DRAXIN: variants seen among roughly 807,000 people sequenced by gnomAD.
The protein encoded by DRAXIN is dorsal inhibitory axon guidance protein.
In DRAXIN, 27 loss-of-function variants were observed where a neutral mutation model predicts 33.9. That is an observed-to-expected ratio of 0.80 (90% CI 0.59 to 1.10). DRAXIN has a LOEUF of 1.10. Among genes scored for constraint, DRAXIN ranks in the 50% least tolerant of loss-of-function variants. DRAXIN has a pLI of 0.00. For synonymous variants in DRAXIN, 178 were observed against 194.0 expected (o/e 0.92, Z 0.69); for missense variants, 371 against 460.8 (o/e 0.81, Z 1.78).
At position 11,722,733 on chromosome 1, in the gene DRAXIN, A is replaced by C. The variant is rs1475924921; in HGVS notation, c.*3037A>C. 1.3e-5 allele frequency: 2 copies of C among 154,300 alleles called. No individual in the cohort carries two copies. The highest frequency in any genetic ancestry group is 2.9e-5 in the Non-Finnish European group (2 of 68,182). The allele number at this position is 154,300 out of a possible 1,614,324, so 9.6% of individuals were successfully genotyped here. A position where few individuals can be genotyped will look rare whatever the true frequency, so the allele number is the denominator to read the frequency against. ...TCGAAGCAGCCACAGAGAGTGTGTAAATGAATTCATGGCTATGCTCCAGGA... is the reference window on the plus strand; with the variant it reads ...TCGAAGCAGCCACAGAGAGTGTGTACATGAATTCATGGCTATGCTCCAGGA... On this transcript the variant is annotated 3_prime_UTR_variant, in exon 7 of 7. Transcript: ENST00000294485.
rs1217617976 is a variant in DRAXIN at position 11,719,672 on chromosome 1, C to T, written c.1026C>T (p.Asp342=). 6.2e-7 allele frequency: 1 copy of T among 1,614,064 alleles called. No homozygotes were observed. The highest frequency in any genetic ancestry group is 1.1e-5 in the South Asian group (1 of 91,074). ...RCVEPETANG[D]QGSFINV ...TGGAGCCCGAGACGGCCAACGGCGACCAGGGATCCTTCATCAACGTCTAGC... is the reference window on the plus strand; with the variant it reads ...TGGAGCCCGAGACGGCCAACGGCGATCAGGGATCCTTCATCAACGTCTAGC... The change falls in exon 7 of 7, where the codon GAC becomes GAT. Residue 342 remains aspartate (D), a synonymous_variant. Transcript: ENST00000294485.
rs985836819 is a variant in DRAXIN at position 11,721,148 on chromosome 1, C to T, written c.*1452C>T. Reference sequence around the variant, plus strand: ...GCATGGAATCCAAAAAAACCCCACACATATTGCCCATGTTTACCCACTTTG... The same window carrying T: ...GCATGGAATCCAAAAAAACCCCACATATATTGCCCATGTTTACCCACTTTG... On this transcript the variant is annotated 3_prime_UTR_variant, in exon 7 of 7. Transcript: ENST00000294485. 1 of 152,208 alleles carries T rather than the reference C, an allele frequency of 6.6e-6. No homozygotes were observed. Among genetic ancestry groups the T allele is most frequent in the African/African-American group, 2.4e-5 (1 of 41,436 alleles). 9.4% of individuals were successfully genotyped at this position (152,208 alleles called of 1,614,324 possible). A position where few individuals can be genotyped will look rare whatever the true frequency, so the allele number is the denominator to read the frequency against.
chr1:11,708,236 GGA>G (rs1280013404), intron 2 of DRAXIN, among the ~76,000 whole-genome samples: 1 of 152,256 alleles, frequency 6.6e-6, no homozygotes, highest in Non-Finnish European at 1.5e-5. Flanking sequence ...AGGCCTCCTG[GGA>G]GAGTTGATAT....
rs1641155782 is a variant in DRAXIN at position 11,694,296 on chromosome 1, A to G, written c.-11+2443A>G. Among the ~76,000 whole-genome samples, 1 of 152,074 alleles carries G rather than the reference A, an allele frequency of 6.6e-6. No individual in the cohort carries two copies. Among genetic ancestry groups the G allele is most frequent in the Non-Finnish European group, 1.5e-5 (1 of 68,014 alleles). ...GAATGAACTGAAAACTGCAAGCCCC[A>G]GTGTCTTGCTGAGTTCTGCTGGGTC... On this transcript the variant is annotated intron_variant, in intron 1 of 6. Coordinates refer to ENST00000294485, the MANE Select transcript of DRAXIN (RefSeq NM_198545.4). This position sits in a 1 kb window ranked among gnomAD's most constrained non-coding sequence, Gnocchi z 4.9.
rs549067102 is a variant in DRAXIN at position 11,701,033 on chromosome 1, T to C, written c.-10-5216T>C. ...CTGACTCCAGGCTCGATTCATCGCC[T>C]TCGTTTGCATACGGCGATGCTGACA... On this transcript the variant is annotated intron_variant, in intron 1 of 6. Transcript: ENST00000294485. 2.0e-5 allele frequency among the ~76,000 whole-genome samples: 3 copies of C among 152,264 alleles called. No individual in the cohort carries two copies. In the East Asian group the frequency reaches 5.8e-4, roughly 29 times the overall value.
chr1:11,707,357 C>T (rs1420191620), intron 2 of DRAXIN, among the ~76,000 whole-genome samples: 1 of 152,244 alleles, frequency 6.6e-6, no homozygotes, highest in Non-Finnish European at 1.5e-5. Context: ...GACTCTGACG[C>T]ATCCGGTAGG....
rs1570325178 is a variant in DRAXIN at position 11,723,058 on chromosome 1, C to G, written c.*3362C>G. On this transcript the variant is annotated 3_prime_UTR_variant, in exon 7 of 7. Coordinates refer to ENST00000294485, the MANE Select transcript of DRAXIN (RefSeq NM_198545.4). ...GCCAGGCTGGTCTCAAACTTCTGAC[C>G]TCAGGTGATCCGCCCGCCTCAGCCT... is the stretch of plus-strand genomic sequence containing the variant. 1 of 152,178 alleles carries G rather than the reference C, an allele frequency of 6.6e-6. No homozygotes were observed. Among genetic ancestry groups the G allele is most frequent in the East Asian group, 1.9e-4 (1 of 5,182 alleles). 9.4% of individuals were successfully genotyped at this position (152,178 alleles called of 1,614,324 possible). A position where few individuals can be genotyped will look rare whatever the true frequency, so the allele number is the denominator to read the frequency against.
intron 1 of DRAXIN, among the ~76,000 whole-genome samples, chr1:11,693,113 AC>A (rs1641111061): frequency 6.6e-6 from 1 of 151,960 alleles, no homozygotes; most frequent in Non-Finnish European, 1.5e-5. Flanking sequence ...TCGTGCCCAT[AC>A]AGGCGTCCAC....
rs771879554 is a variant in DRAXIN at position 11,719,651 on chromosome 1, G to C, written c.1005G>C (p.Glu335Asp). 6.2e-7 allele frequency: 1 copy of C among 1,614,124 alleles called. No homozygotes were observed. Among genetic ancestry groups the C allele is most frequent in the South Asian group, 1.1e-5 (1 of 91,072 alleles). The change falls in exon 7 of 7, where the codon GAG (glutamate) becomes GAC (aspartate). Residue 335 changes from glutamate (E) to aspartate (D), a missense_variant. Coordinates refer to ENST00000294485, the MANE Select transcript of DRAXIN (RefSeq NM_198545.4). ...RVTRRKGRCV[E>D]PETANGDQGS... is the part of the protein sequence containing the mutation. Reference sequence around the variant, plus strand: ...CACGGAGGAAAGGGCGCTGTGTGGAGCCCGAGACGGCCAACGGCGACCAGG... The same window carrying C: ...CACGGAGGAAAGGGCGCTGTGTGGACCCCGAGACGGCCAACGGCGACCAGG...
At chr1:11,717,655 C>A (rs1641597020) in intron 6 of DRAXIN, among the ~76,000 whole-genome samples, 2 of 105,696 alleles carry the variant, frequency 1.9e-5, no homozygotes, top group African/African-American at 5.1e-5. Flanking sequence ...GAGAGAGACT[C>A]CGTCTCAAAA....
chr1:11,710,222 T>C (rs1442570568), intron 3 of DRAXIN, among the ~76,000 whole-genome samples: 2 of 150,214 alleles, frequency 1.3e-5, no homozygotes, highest in Non-Finnish European at 3.0e-5. Context: ...GCGGGCACGT[T>C]GGCTCAAGCC....
chr1:11,706,300 C>T lies in DRAXIN; in HGVS notation c.42C>T (p.Leu14=), dbSNP rs771862590. ...PAIHTAPMLF[L]VLLLPLELSL... ...TCCACACCGCTCCCATGCTGTTCCT[C>T]GTCCTCCTGCTGCCCCTGGAGCTGA... Residue 14 remains leucine (L), a synonymous_variant, in exon 2 of 7, where the codon CTC becomes CTT. Transcript: ENST00000294485. The surrounding 1 kb of genome is among the most constrained non-coding windows in gnomAD (Gnocchi z 5.5). 10 of 1,612,256 alleles carry T rather than the reference C, an allele frequency of 6.2e-6. No individual in the cohort carries two copies. The highest frequency in any genetic ancestry group is 1.1e-5 in the South Asian group (1 of 90,814).
At chr1:11,715,278 G>T (rs965086451) in intron 6 of DRAXIN, 70 bp downstream of exon 6, 3 of 1,588,038 alleles carry the variant, frequency 1.9e-6, no homozygotes, top group Non-Finnish European at 2.6e-6. Flanking sequence ...TTCTCGAAGC[G>T]GCTTCTGCAC....
intron 1 of DRAXIN, among the ~76,000 whole-genome samples, chr1:11,695,042 G>T (rs1641169285): frequency 6.6e-6 from 1 of 152,170 alleles, no homozygotes; most frequent in Admixed American, 6.5e-5. Context: ...TCAGGCCCCA[G>T]CTCATGCCAC....
chr1:11,711,940 T>A lies in DRAXIN; in HGVS notation c.732T>A (p.Asp244Glu). ...DWTDYEDLKPDGWPSAKKKEK... is the reference protein window; with the variant it reads ...DWTDYEDLKPEGWPSAKKKEK... ...CCGATTATGAAGACTTAAAACCTGA[T>A]GGTTGGCCCTCTGCAAAGAAGAAAG... The change falls in exon 4 of 7, where the codon GAT (aspartate) becomes GAA (glutamate). Residue 244 changes from aspartate (D) to glutamate (E), a missense_variant. Asp to Glu is a conservative substitution (Grantham distance 45). Coordinates refer to ENST00000294485, the MANE Select transcript of DRAXIN (RefSeq NM_198545.4). 1 of 1,613,560 alleles carries A rather than the reference T, an allele frequency of 6.2e-7. No homozygotes were observed. The highest frequency in any genetic ancestry group is 8.5e-7 in the Non-Finnish European group (1 of 1,179,746).
rs200769524 is a variant in DRAXIN, at chr1:11,715,159, C to T, written c.888C>T (p.His296=). The T allele has an allele frequency of 8.7e-6, 14 of 1,614,256 alleles. No homozygotes were observed. The East Asian group carries it at 3.1e-4, about 36-fold the overall frequency. Reference sequence around the variant, plus strand: ...TGCGGGAGCATCTCTGCACACCCCACAACCGAGGCCTCAACAACAAATGCT... The same window carrying T: ...TGCGGGAGCATCTCTGCACACCCCATAACCGAGGCCTCAACAACAAATGCT... ...CDLREHLCTP[H]NRGLNNKCFD... The change falls in exon 6 of 7, where the codon CAC becomes CAT. Residue 296 remains histidine (H), a synonymous_variant. Coordinates refer to ENST00000294485, the MANE Select transcript of DRAXIN (RefSeq NM_198545.4).
intron 6 of DRAXIN, 95 bp from the exon 7 acceptor site, chr1:11,719,489 C>T: frequency 9.3e-7 from 1 of 1,078,476 alleles, no homozygotes; most frequent in South Asian, 1.4e-5. Flanking sequence ...ATAATGAAGG[C>T]AGGAGGGAGC....
Position 11,723,536 on chromosome 1 carries a change from G to A in DRAXIN, c.*3840G>A, listed in dbSNP as rs1374071236. ...GCCTTGATTTTTTCATCTGTAAAAT[G>A]GGAATAATAACTCTCCCTTCATAGG... On this transcript the variant is annotated 3_prime_UTR_variant, in exon 7 of 7. Coordinates refer to ENST00000294485, the MANE Select transcript of DRAXIN (RefSeq NM_198545.4). 1 of 152,002 alleles carries A rather than the reference G, an allele frequency of 6.6e-6. No homozygotes were observed. Among genetic ancestry groups the A allele is most frequent in the Non-Finnish European group, 1.5e-5 (1 of 68,022 alleles). 9.4% of individuals were successfully genotyped at this position (152,002 alleles called of 1,614,324 possible).
chr1:11,701,716 G>C (rs1459920342), intron 1 of DRAXIN, among the ~76,000 whole-genome samples: 2 of 152,112 alleles, frequency 1.3e-5, no homozygotes, highest in Non-Finnish European at 2.9e-5. Flanking sequence ...ACCCGGGCCG[G>C]GCAGAACCGC....
Sources: allele counts gnomAD v4.1 joint callset (sites outside exome capture counted in the v4.1 genomes callset), GRCh38; gene constraint gnomAD v4.1.1; non-coding constraint Gnocchi (gnomAD v3.1); transcripts MANE v1.5; gene names NCBI Gene and HGNC (gene_info 2026-07-23, HGNC 2026-07-21).